NF2: variants seen among roughly 807,000 people sequenced by gnomAD.
NF2 encodes the protein NF2, moesin-ezrin-radixin like (MERLIN) tumor suppressor.
NF2 carries 8 observed loss-of-function variants against 83.7 expected under a neutral mutation model. The observed-to-expected ratio is 0.10, with a 90% CI of 0.06 to 0.17. The LOEUF is 0.17. Ranked by LOEUF, NF2 falls within the 10% of genes least tolerant of loss-of-function variation. The pLI, the probability that NF2 is intolerant of heterozygous loss-of-function variation, is 1.00. For synonymous variants in NF2, 266 were observed against 269.6 expected, an observed-to-expected ratio of 0.99 and a Z score of 0.13; for missense variants, 533 against 744.4, an observed-to-expected ratio of 0.72 and a Z score of 3.31.
rs184455178 is a variant in NF2, at chr22:29,625,305, C to T, written c.115-11446C>T. Among the ~76,000 whole-genome samples, 360 of 152,290 alleles carry T rather than the reference C, an allele frequency of 2.4e-3. 2 individuals carry two copies. Among genetic ancestry groups the T allele is most frequent in the African/African-American group, 8.2e-3 (339 of 41,568 alleles). Reference sequence around the variant, plus strand: ...TCCACGGTGATAGCAGGATTCTTTTCGGATTTCTGCCATAGTTAATTATTC... The same window carrying T: ...TCCACGGTGATAGCAGGATTCTTTTTGGATTTCTGCCATAGTTAATTATTC... On this transcript the variant is annotated intron_variant, in intron 1 of 15. Coordinates refer to ENST00000338641, the MANE Select transcript of NF2 (RefSeq NM_000268.4).
At chr22:29,675,191 A>T (rs148905227) in intron 13 of NF2, among the ~76,000 whole-genome samples, 1 of 152,330 alleles carries the variant, frequency 6.6e-6, no homozygotes, top group East Asian at 1.9e-4. Flanking sequence ...CAGCTCTGGA[A>T]TGTTTTTCTT....
chr22:29,618,235 G>A (rs1307639829), intron 1 of NF2, among the ~76,000 whole-genome samples: 1 of 152,152 alleles, frequency 6.6e-6, no homozygotes, highest in Non-Finnish European at 1.5e-5. Context: ...TTATTCTCCT[G>A]CCTGCTTTTT....
At chr22:29,610,316 A>G (rs1450774761) in intron 1 of NF2, among the ~76,000 whole-genome samples, 1 of 152,082 alleles carries the variant, frequency 6.6e-6, no homozygotes, top group Admixed American at 6.6e-5. Flanking sequence ...ACAGTGCTTC[A>G]GCCAGGGTGA....
Position 29,603,811 on chromosome 22 carries a change from C to G in NF2, c.-188C>G. ...CCGTCAGGGCCCGTCCCCCAACTCC[C>G]CTTTCCGCTCAGGCAGGGTCCTCGC... On this transcript the variant is annotated 5_prime_UTR_variant, in exon 1 of 16. Transcript: ENST00000338641. The G allele has an allele frequency of 1.7e-6, 1 of 583,012 alleles. No homozygotes were observed. Among genetic ancestry groups the G allele is most frequent in the Non-Finnish European group, 3.0e-6 (1 of 330,522 alleles). The allele number at this position is 583,012 out of a possible 1,614,324, so 36.1% of individuals were successfully genotyped here.
At chr22:29,648,908 A>G (rs2066061070) in intron 4 of NF2, among the ~76,000 whole-genome samples, 1 of 152,112 alleles carries the variant, frequency 6.6e-6, no homozygotes. Flanking sequence ...TTTTCATTTA[A>G]CTGCCGAACT....
chr22:29,646,310 G>A (rs912148698), intron 4 of NF2, among the ~76,000 whole-genome samples: 27 of 152,292 alleles, frequency 1.8e-4, no homozygotes, highest in African/African-American at 6.5e-4. Flanking sequence ...AGAATGAGTG[G>A]AGCTGGGATG....
rs191049526 is a variant in NF2 at position 29,608,382 on chromosome 22, G to A, written c.114+4270G>A. On this transcript the variant is annotated intron_variant, in intron 1 of 15. Coordinates refer to ENST00000338641, the MANE Select transcript of NF2 (RefSeq NM_000268.4). Reference sequence around the variant, plus strand: ...CAACCTCTGCCTCCCTGGTTCAAGCGATTCTCCTGCCTCAGCCACCGCACA... The same window carrying A: ...CAACCTCTGCCTCCCTGGTTCAAGCAATTCTCCTGCCTCAGCCACCGCACA... 4.5e-3 allele frequency among the ~76,000 whole-genome samples: 677 copies of A among 149,604 alleles called. 3 individuals are homozygous for A. The highest frequency in any genetic ancestry group is 0.016 in the African/African-American group (648 of 40,854).
chr22:29,666,840 G>C (rs1345224261), intron 9 of NF2, among the ~76,000 whole-genome samples: 1 of 152,042 alleles, frequency 6.6e-6, no homozygotes, highest in Non-Finnish European at 1.5e-5. Context: ...GCTGGGCGTG[G>C]TGGCGCATGC....
chr22:29,644,208 G>A (rs7285342), intron 4 of NF2, among the ~76,000 whole-genome samples: 47,669 of 145,754 alleles, frequency 0.33, 6,437 homozygotes, highest in Non-Finnish European at 0.42. Flanking sequence ...CTCAGACGGG[G>A]CGGCCGGGCA....
At chr22:29,608,791 A>G (rs2064872269) in intron 1 of NF2, 2 of 233,806 alleles carry the variant, frequency 8.6e-6, no homozygotes, top group Non-Finnish European at 1.6e-5. Context: ...ATAAACCACC[A>G]AAATTGACCC....
intron 10 of NF2, among the ~76,000 whole-genome samples, chr22:29,670,501 G>T (rs1302529499): frequency 1.7e-5 from 2 of 116,820 alleles, no homozygotes; most frequent in African/African-American, 6.6e-5. Context: ...ATCTTTTTGA[G>T]CTTGTGTGTG....
rs2147071755 is a variant in NF2 at position 29,671,849 on chromosome 22, A to G, written c.1023A>G (p.Arg341=). The G allele has an allele frequency of 6.2e-7, 1 of 1,614,094 alleles. No homozygotes were observed. The highest frequency in any genetic ancestry group is 8.5e-7 in the Non-Finnish European group (1 of 1,180,006). Residue 341 remains arginine, a synonymous_variant, in exon 11 of 16, where the codon CGA becomes CGG. Coordinates refer to ENST00000338641, the MANE Select transcript of NF2 (RefSeq NM_000268.4). ...RKQMERQRLA[R]EKQMREEAER... ...AGATGGAGCGGCAGCGCCTCGCTCG[A>G]GAGAAGCAGATGAGGGAGGAGGCTG...
At position 29,636,074 on chromosome 22, in the gene NF2, A is replaced by G. The variant is rs530723426; in HGVS notation, c.115-677A>G. ...GTTCTTTTGAAAGTGAGGCTATAGG[A>G]TAAACACACTACAGTATATTGATAT... is the stretch of plus-strand genomic sequence containing the variant. On this transcript the variant is annotated intron_variant, in intron 1 of 15. Transcript: ENST00000338641. This position sits in a 1 kb window ranked among gnomAD's most constrained non-coding sequence, Gnocchi z 4.4. 7.2e-5 allele frequency among the ~76,000 whole-genome samples: 11 copies of G among 152,330 alleles called. No individual in the cohort carries two copies. The highest frequency in any genetic ancestry group is 1.5e-4 in the Non-Finnish European group (10 of 68,028).
At chr22:29,616,555 C>T (rs2065085815) in intron 1 of NF2, among the ~76,000 whole-genome samples, 1 of 152,128 alleles carries the variant, frequency 6.6e-6, no homozygotes, top group Admixed American at 6.5e-5. Flanking sequence ...CCAGCCTGGC[C>T]AATATGTAAA....
At chr22:29,622,646 ATTTTTTTT>A (rs35744962) in intron 1 of NF2, among the ~76,000 whole-genome samples, 19 of 63,262 alleles carry the variant, frequency 3.0e-4, no homozygotes, top group African/African-American at 9.3e-4. Flanking sequence ...AAGACCCTGT[ATTTTTTTT>A]TTTTTTTTTT....
chr22:29,686,193 A>G lies in NF2; in HGVS notation c.1737+4592A>G, dbSNP rs147105522. Reference sequence around the variant, plus strand: ...CACAGTCAGAGCTCAGTAAGGGGTTAAAACTCTGAAAAGGGAAAATCTGCT... The same window carrying G: ...CACAGTCAGAGCTCAGTAAGGGGTTGAAACTCTGAAAAGGGAAAATCTGCT... On this transcript the variant is annotated intron_variant, in intron 15 of 15. Transcript: ENST00000338641. Among the ~76,000 whole-genome samples the G allele has an allele frequency of 3.9e-3, 595 of 152,372 alleles. 6 individuals carry two copies. The highest frequency in any genetic ancestry group is 0.014 in the African/African-American group (566 of 41,584).
At chr22:29,664,083 C>T (rs1402775372) in intron 8 of NF2, among the ~76,000 whole-genome samples, 3 of 152,176 alleles carry the variant, frequency 2.0e-5, no homozygotes, top group African/African-American at 7.2e-5. Context: ...CTGTGGTGAG[C>T]TCAGGTATCC....
rs960530215 is a variant in NF2, at chr22:29,688,601, G to A, written c.1738-6151G>A. On this transcript the variant is annotated intron_variant, in intron 15 of 15. Transcript: ENST00000338641. ...CAGAGGAGCAGCGGAGGGCCCCGCC[G>A]GCCAGTGCCACAGGGCAGCCTGCAA... Among the ~76,000 whole-genome samples the A allele has an allele frequency of 5.3e-5, 8 of 152,348 alleles. No homozygotes were observed. The East Asian group carries it at 7.7e-4, about 15-fold the overall frequency.
rs2067546122 is a variant in NF2, at chr22:29,696,109, T to C, written c.*1307T>C. On this transcript the variant is annotated 3_prime_UTR_variant, in exon 16 of 16. Transcript: ENST00000338641. ...TTTTTTCCGAGATGGAGTCTCTCTCTGTCACCCAGGTGGGAGTGTGGTGGC... is the reference window on the plus strand; with the variant it reads ...TTTTTTCCGAGATGGAGTCTCTCTCCGTCACCCAGGTGGGAGTGTGGTGGC... 4.6e-6 allele frequency: 1 copy of C among 215,520 alleles called. No homozygotes were observed. The highest frequency in any genetic ancestry group is 6.1e-5 in the Admixed American group (1 of 16,412). The allele number at this position is 215,520 out of a possible 1,614,324, so 13.4% of individuals were successfully genotyped here.
Sources: gnomAD v4.1 joint callset for allele counts (sites outside exome capture counted in the v4.1 genomes callset) on GRCh38, gnomAD v4.1.1 for gene constraint, Gnocchi (gnomAD v3.1) non-coding constraint, MANE v1.5 for transcripts, NCBI Gene and HGNC (gene_info 2026-07-23, HGNC 2026-07-21) for gene names.